The following MTOR variants were observed in gnomAD, a reference collection of about 807,000 sequenced individuals.
MTOR encodes the protein serine/threonine-protein kinase mTOR.
In MTOR, 70 loss-of-function variants were observed where a neutral mutation model predicts 319.8. That is an observed-to-expected ratio of 0.22 (90% CI 0.18 to 0.27). The LOEUF is 0.27. Ranked by LOEUF, MTOR falls within the 10% of genes least tolerant of loss-of-function variation. MTOR has a pLI of 1.00. For missense variants in MTOR, 1,890 were observed against 3,274.4 expected (o/e 0.58, Z 10.32); for synonymous variants, 1,183 against 1,211.4 (o/e 0.98, Z 0.49).
At chr1:11,253,291 T>C (rs936997088) in intron 6 of MTOR, among the ~76,000 whole-genome samples, 3 of 152,300 alleles carry the variant, frequency 2.0e-5, no homozygotes, top group Admixed American at 1.3e-4. Flanking sequence ...CCTGCTTTCA[T>C]TCCTGCCTTT....
At chr1:11,136,088 C>G (rs1274397104) in intron 36 of MTOR, among the ~76,000 whole-genome samples, 1 of 151,748 alleles carries the variant, frequency 6.6e-6, no homozygotes, top group Admixed American at 6.6e-5. Flanking sequence ...GAGCCGAGAT[C>G]ACACCACTGC....
intron 28 of MTOR, among the ~76,000 whole-genome samples, chr1:11,181,284 T>C (rs915975152): frequency 6.6e-6 from 1 of 151,736 alleles, no homozygotes; most frequent in East Asian, 1.9e-4. Context: ...AAAAAAGTGA[T>C]GAGACACAGC....
intron 54 of MTOR, chr1:11,111,483 GAAA>G (rs34258245): frequency 3.5e-4 from 48 of 137,234 alleles, no homozygotes; most frequent in South Asian, 2.9e-3. Context: ...TCTGTCTCAA[GAAA>G]AAAAAAAAAA....
Position 11,126,748 on chromosome 1 carries a change from G to C in MTOR, c.6400C>G (p.Arg2134Gly), listed in dbSNP as rs1642860004. The change falls in exon 46 of 58, where the codon CGG becomes GGG. Residue 2134 changes from arginine (R) to glycine (G), a missense_variant. By Grantham distance (125) the Arg-to-Gly change is moderately radical. This residue lies in a region of MTOR where 249 missense variants were observed against 596.2 expected (regional missense o/e 0.42). Coordinates refer to ENST00000361445, the MANE Select transcript of MTOR (RefSeq NM_004958.4). ...CCTGGCACAGCCAATTCAAGGTCCC[G>C]GCACATCAGAAGTTTTGGGGAAACA... ...QYVSPKLLMC[R>G]DLELAVPGTY... 1 of 1,614,020 alleles carries C rather than the reference G, an allele frequency of 6.2e-7. No individual in the cohort carries two copies. Among genetic ancestry groups the C allele is most frequent in the Non-Finnish European group, 8.5e-7 (1 of 1,180,014 alleles).
rs1643307389 is a variant in MTOR at position 11,134,401 on chromosome 1, G to A, written c.5196C>T (p.Ile1732=). The change falls in exon 37 of 58, where the codon ATC becomes ATT. Residue 1732 remains isoleucine (I), a synonymous_variant. Transcript: ENST00000361445. The part of the protein sequence containing the change: ...QTMQQQAQHA[I]ATEDQQHKQE... ...GCTTATGCTGCTGGTCCTCAGTAGC[G>A]ATGGCATGCTGGGCCTGTTGCTGCA... 1.2e-6 allele frequency: 2 copies of A among 1,614,196 alleles called. No individual in the cohort carries two copies. Among genetic ancestry groups the A allele is most frequent in the Non-Finnish European group, 1.7e-6 (2 of 1,180,042 alleles).
chr1:11,123,256 A>T (rs1056723359), intron 47 of MTOR, among the ~76,000 whole-genome samples: 1 of 152,156 alleles, frequency 6.6e-6, no homozygotes, highest in Non-Finnish European at 1.5e-5. Context: ...TAAAACATTT[A>T]AAAAATATTA....
rs1357272753 is a variant in MTOR at position 11,199,513 on chromosome 1, C to T, written c.4107+28G>A. ...CCACCAGCTGGTTCCCTGTCAGCCTCCATCTGGACAATGGGGAAAAGTCTC... is the reference window on the plus strand; with the variant it reads ...CCACCAGCTGGTTCCCTGTCAGCCTTCATCTGGACAATGGGGAAAAGTCTC... On this transcript the variant is annotated intron_variant, in intron 27 of 57. Transcript: ENST00000361445. This position sits in a 1 kb window ranked among gnomAD's most constrained non-coding sequence, Gnocchi z 4.5. 1.1e-5 allele frequency: 18 copies of T among 1,614,012 alleles called. No homozygotes were observed. Among genetic ancestry groups the T allele is most frequent in the Non-Finnish European group, 1.5e-5 (18 of 1,179,902 alleles).
intron 24 of MTOR, among the ~76,000 whole-genome samples, chr1:11,210,417 G>A (rs899656736): frequency 4.6e-5 from 7 of 152,148 alleles, no homozygotes; most frequent in African/African-American, 1.7e-4. Context: ...CCCAAGGCGG[G>A]AGCCACCGCA....
Position 11,228,800 on chromosome 1 carries a change from A to G in MTOR, c.2898T>C (p.His966=), listed in dbSNP as rs765851874. The change falls in exon 19 of 58, where the codon CAT becomes CAC. Residue 966 remains histidine (H), a synonymous_variant. Coordinates refer to ENST00000361445, the MANE Select transcript of MTOR (RefSeq NM_004958.4). ...TGGCCTGGACAACCATGGTGTGATG[A>G]TGAGAGAGTGACTGGTCTCGGAAGA... ...MRIFRDQSLS[H]HHTMVVQAIT... The G allele has an allele frequency of 5.6e-6, 9 of 1,614,038 alleles. No individual in the cohort carries two copies. The highest frequency in any genetic ancestry group is 5.9e-6 in the Non-Finnish European group (7 of 1,180,032).
intron 54 of MTOR, chr1:11,111,817 GAT>G (rs1167191416): frequency 6.6e-6 from 1 of 151,384 alleles, no homozygotes; most frequent in African/African-American, 2.4e-5. Flanking sequence ...TTGTAGAAAA[GAT>G]ATACTTTTTT....
At chr1:11,242,081 G>A (rs556650220) in intron 9 of MTOR, among the ~76,000 whole-genome samples, 5 of 151,998 alleles carry the variant, frequency 3.3e-5, no homozygotes, top group African/African-American at 1.2e-4. Flanking sequence ...CTTTAGAATG[G>A]GGCCAGGCGC....
chr1:11,244,732 T>C (rs1167658807), intron 8 of MTOR, among the ~76,000 whole-genome samples: 3 of 152,364 alleles, frequency 2.0e-5, no homozygotes, highest in East Asian at 1.9e-4. Flanking sequence ...CCCATAAGAT[T>C]ATAATACAGT....
At chr1:11,187,430 G>A (rs1645357016) in intron 28 of MTOR, among the ~76,000 whole-genome samples, 1 of 152,138 alleles carries the variant, frequency 6.6e-6, no homozygotes, top group South Asian at 2.1e-4. Flanking sequence ...TCCCTCACAT[G>A]TGCAGTTCAC....
chr1:11,207,482 C>T lies in MTOR; in HGVS notation c.3801+1830G>A, dbSNP rs946526037. Among the ~76,000 whole-genome samples, 6 of 136,626 alleles carry T rather than the reference C, an allele frequency of 4.4e-5. No homozygotes were observed. The Admixed American group carries it at 4.9e-4, about 11-fold the overall frequency. The allele number at this position is 136,626 out of a possible 152,430, so 89.6% of individuals were successfully genotyped here. The stretch of plus-strand genomic sequence containing the variant: ...GGAGTGCAGTGGCGCAATCATAGCT[C>T]ACTGCACCCTGGAACTCATGGGCTC... On this transcript the variant is annotated intron_variant, in intron 25 of 57. Transcript: ENST00000361445.
At chr1:11,157,575 T>C (rs1396319855) in intron 29 of MTOR, among the ~76,000 whole-genome samples, 2 of 152,226 alleles carry the variant, frequency 1.3e-5, no homozygotes, top group East Asian at 3.9e-4. Context: ...CCCAGACACA[T>C]GGGTCATCAG....
chr1:11,234,375 C>A (rs778562059), intron 13 of MTOR, 110 bp from the exon 14 acceptor site: 2 of 1,292,104 alleles, frequency 1.5e-6, no homozygotes, highest in African/African-American at 1.5e-5. Flanking sequence ...CAGACCTCCA[C>A]GACAGATGAA....
intron 3 of MTOR, among the ~76,000 whole-genome samples, chr1:11,257,368 T>A (rs532498008): frequency 1.5e-5 from 2 of 134,106 alleles, no homozygotes; most frequent in South Asian, 4.7e-4. Context: ...AAACCCCGTC[T>A]CTACTAAGAT....
intron 28 of MTOR, among the ~76,000 whole-genome samples, chr1:11,191,324 A>G (rs1035732313): frequency 6.6e-6 from 1 of 152,172 alleles, no homozygotes; most frequent in African/African-American, 2.4e-5. Flanking sequence ...TTTCACCACT[A>G]AGACGAAATG....
intron 3 of MTOR, among the ~76,000 whole-genome samples, chr1:11,258,026 C>T (rs1650643568): frequency 1.3e-5 from 2 of 151,208 alleles, no homozygotes; most frequent in South Asian, 4.2e-4. Flanking sequence ...ACGAGAATCG[C>T]TTGAACCCAG....
Sources: gnomAD v4.1 joint callset for allele counts (sites outside exome capture counted in the v4.1 genomes callset) on GRCh38, gnomAD v4.1.1 for gene constraint, gnomAD v4.1.1 regional missense constraint, Gnocchi (gnomAD v3.1) non-coding constraint, MANE v1.5 for transcripts, NCBI Gene and HGNC (gene_info 2026-07-23, HGNC 2026-07-21) for gene names.